The following ZFYVE16 variants were observed in gnomAD, a reference collection of about 807,000 sequenced individuals.
ZFYVE16 encodes the protein zinc finger FYVE-type containing 16.
In ZFYVE16, 89 loss-of-function variants were observed where a neutral mutation model predicts 138.1. That is an observed-to-expected ratio of 0.64 (90% CI 0.54 to 0.77). The LOEUF (loss-of-function observed/expected upper bound fraction) is 0.77. ZFYVE16 is among the 30% of genes least tolerant of loss of function. The probability of loss-of-function intolerance (pLI) is 0.00; values close to 1 mark genes in which losing one functional copy is unlikely to be tolerated. For missense variants in ZFYVE16, 1,793 were observed against 1,786.7 expected (o/e 1.00, Z -0.06); for synonymous variants, 596 against 618.3 (o/e 0.96, Z 0.53).
chr5:80,443,318 T>C, intron 6 of ZFYVE16, 34 bp downstream of exon 6: 1 of 1,582,176 alleles, frequency 6.3e-7, no homozygotes, highest in Non-Finnish European at 8.5e-7. Flanking sequence ...AGACTAAAGA[T>C]AAATTATTGA....
intron 2 of ZFYVE16, among the ~76,000 whole-genome samples, chr5:80,430,331 G>A (rs1186770366): frequency 6.6e-6 from 1 of 151,696 alleles, no homozygotes; most frequent in African/African-American, 2.4e-5. Context: ...ACCTGCTCCT[G>A]AATGACTACT....
At chr5:80,431,049 A>G (rs1246862222) in intron 2 of ZFYVE16, among the ~76,000 whole-genome samples, 1 of 152,226 alleles carries the variant, frequency 6.6e-6, no homozygotes, top group African/African-American at 2.4e-5. Flanking sequence ...AACTATTCCA[A>G]TCAATAGAAA....
chr5:80,462,217 T>C (rs1196221631), intron 15 of ZFYVE16, among the ~76,000 whole-genome samples: 2 of 152,198 alleles, frequency 1.3e-5, no homozygotes, highest in Non-Finnish European at 2.9e-5. Flanking sequence ...TTCACACTGC[T>C]ATAAAGAACT....
chr5:80,458,586 T>C (rs1345232412), intron 14 of ZFYVE16, among the ~76,000 whole-genome samples: 1 of 152,238 alleles, frequency 6.6e-6, no homozygotes, highest in African/African-American at 2.4e-5. Flanking sequence ...ACATTTTATA[T>C]GTTGTACATC....
In ZFYVE16 at chr5:80,434,182, T is replaced by C; in HGVS notation, c.35T>C (p.Leu12Ser). 1 of 1,613,552 alleles carries C rather than the reference T, an allele frequency of 6.2e-7. No individual in the cohort carries two copies. Among genetic ancestry groups the C allele is most frequent in the Non-Finnish European group, 8.5e-7 (1 of 1,179,650 alleles). Reference sequence around the variant, plus strand: ...TATTTTAAAGCAGCTGTCAGTGACTTGGACAAACTCCTTGATGATTTTGAA... The same window carrying C: ...TATTTTAAAGCAGCTGTCAGTGACTCGGACAAACTCCTTGATGATTTTGAA... ...DSYFKAAVSD[L>S]DKLLDDFEQN... The change falls in exon 3 of 19, where the codon TTG (leucine) becomes TCG (serine). Residue 12 changes from leucine (L) to serine (S), a missense_variant. Physicochemically the swap from Leu to Ser is moderately radical, Grantham distance 145. This residue lies in a region of ZFYVE16 where 1,295 missense variants were observed against 1,204.3 expected (regional missense o/e 1.08). Transcript: ENST00000505560.
chr5:80,433,638 A>G (rs1749442270), intron 2 of ZFYVE16, among the ~76,000 whole-genome samples: 1 of 152,042 alleles, frequency 6.6e-6, no homozygotes, highest in South Asian at 2.1e-4. Context: ...AAGAGATGAC[A>G]TGTAAACCCT....
rs1210376612 is a variant in ZFYVE16 at position 80,428,432 on chromosome 5, C to T, written c.-40+887C>T. On this transcript the variant is annotated intron_variant, in intron 2 of 18. Transcript: ENST00000505560. ...AAGGAAAACTAACAAACAGAAAGGA[C>T]ATCCACACCAAAACCCCATCTATAC... Among the ~76,000 whole-genome samples, 3 of 152,184 alleles carry T rather than the reference C, an allele frequency of 2.0e-5. No individual in the cohort carries two copies. In the East Asian group the frequency reaches 5.8e-4, roughly 29 times the overall value.
intron 1 of ZFYVE16, among the ~76,000 whole-genome samples, chr5:80,420,359 A>G (rs993197841): frequency 1.8e-4 from 27 of 152,152 alleles, no homozygotes; most frequent in African/African-American, 5.3e-4. Flanking sequence ...GTTTGTTAAC[A>G]TATGTATACA....
rs1755223666 is a variant in ZFYVE16, at chr5:80,480,441, A to AC, written c.*3065dup. 6.6e-6 allele frequency among the ~76,000 whole-genome samples: 1 copy of AC among 151,506 alleles called. No individual in the cohort carries two copies. The highest frequency in any genetic ancestry group is 1.5e-5 in the Non-Finnish European group (1 of 67,776). On this transcript the variant is annotated 3_prime_UTR_variant, in exon 19 of 19. Coordinates refer to ENST00000505560, the MANE Select transcript of ZFYVE16 (RefSeq NM_001284236.3). ...ATGGGAGAAACAGCTGGAAAAAAAAACAGAAGACCTGTAGAGAATACAGTG... is the reference window on the plus strand; with the variant it reads ...ATGGGAGAAACAGCTGGAAAAAAAAACCAGAAGACCTGTAGAGAATACAGTG...
In ZFYVE16 at chr5:80,430,982, G is replaced by T. The variant is rs560110443; in HGVS notation, c.-39-3127G>T. On this transcript the variant is annotated intron_variant, in intron 2 of 18. Coordinates refer to ENST00000505560, the MANE Select transcript of ZFYVE16 (RefSeq NM_001284236.3). Reference sequence around the variant, plus strand: ...AATCAAAAAAGTCCAGGACAGGACGGATTCACAGCCGAATTCTACCAGAGG... The same window carrying T: ...AATCAAAAAAGTCCAGGACAGGACGTATTCACAGCCGAATTCTACCAGAGG... 2.0e-5 allele frequency among the ~76,000 whole-genome samples: 3 copies of T among 152,292 alleles called. No homozygotes were observed. In the South Asian group the frequency reaches 6.2e-4, roughly 32 times the overall value.
intron 15 of ZFYVE16, among the ~76,000 whole-genome samples, chr5:80,472,411 GT>G (rs1012963435): frequency 2.2e-4 from 34 of 151,866 alleles, no homozygotes; most frequent in African/African-American, 8.2e-4. Context: ...AACCTCTTCA[GT>G]TTCCCTCTAG....
At position 80,477,429 on chromosome 5, in the gene ZFYVE16, C is replaced by T. The variant is rs755204966; in HGVS notation, c.*52C>T. On this transcript the variant is annotated 3_prime_UTR_variant, in exon 19 of 19. Transcript: ENST00000505560. ...GCAACCTAATTTGTTAAAACTAACT[C>T]CAGCACTAAAGCTGAAATGCCACAA... is the stretch of plus-strand genomic sequence containing the variant. 1 of 1,527,536 alleles carries T rather than the reference C, an allele frequency of 6.5e-7. No homozygotes were observed. Among genetic ancestry groups the T allele is most frequent in the Non-Finnish European group, 8.8e-7 (1 of 1,136,880 alleles). The allele number at this position is 1,527,536 out of a possible 1,614,324, so 94.6% of individuals were successfully genotyped here. A position where few individuals can be genotyped will look rare whatever the true frequency, so the allele number is the denominator to read the frequency against.
rs143929821 is a variant in ZFYVE16, at chr5:80,434,830, T to C, written c.70+613T>C. 2.1e-3 allele frequency among the ~76,000 whole-genome samples: 323 copies of C among 152,210 alleles called. 1 individual carries two copies. The highest frequency in any genetic ancestry group is 7.4e-3 in the African/African-American group (306 of 41,552). Reference sequence around the variant, plus strand: ...CTTGAGAGTTCTGCATGAATTGATATTTCATTACAACAAGAGATGGTATTT... The same window carrying C: ...CTTGAGAGTTCTGCATGAATTGATACTTCATTACAACAAGAGATGGTATTT... On this transcript the variant is annotated intron_variant, in intron 3 of 18. Coordinates refer to ENST00000505560, the MANE Select transcript of ZFYVE16 (RefSeq NM_001284236.3).
chr5:80,451,710 G>A lies in ZFYVE16; in HGVS notation c.3607+1G>A, dbSNP rs763117801. On this transcript the variant is annotated splice_donor_variant, in intron 11 of 18. Transcript: ENST00000505560. LOFTEE classifies it high-confidence loss of function. ...TTGAGATTGGGTGCAGAATATAAAG[G>A]TAAGTTTTAGAGTAATAAGTTAAAT... 15 of 1,609,828 alleles carry A rather than the reference G, an allele frequency of 9.3e-6. No homozygotes were observed. Among genetic ancestry groups the A allele is most frequent in the South Asian group, 3.3e-5 (3 of 90,288 alleles).
At chr5:80,434,894 T>C (rs1298423743) in intron 3 of ZFYVE16, among the ~76,000 whole-genome samples, 1 of 152,058 alleles carries the variant, frequency 6.6e-6, no homozygotes, top group Non-Finnish European at 1.5e-5. Context: ...GGAGTTTCAC[T>C]GTTGTTGCCC....
chr5:80,421,255 A>G (rs1450123866), intron 1 of ZFYVE16, among the ~76,000 whole-genome samples: 2 of 151,880 alleles, frequency 1.3e-5, no homozygotes, highest in African/African-American at 4.8e-5. Flanking sequence ...TTGCCTGTTC[A>G]CTCTGATGGT....
rs558635425 is a variant in ZFYVE16, at chr5:80,480,174, T to G, written c.*2797T>G. The stretch of plus-strand genomic sequence containing the variant: ...AGCAATGAAAACAAACTCACAGATA[T>G]AGGTATTAGATTTGTTTTCTTTGTT... On this transcript the variant is annotated 3_prime_UTR_variant, in exon 19 of 19. Coordinates refer to ENST00000505560, the MANE Select transcript of ZFYVE16 (RefSeq NM_001284236.3). Among the ~76,000 whole-genome samples the G allele has an allele frequency of 1.3e-5, 2 of 151,916 alleles. No homozygotes were observed. Among genetic ancestry groups the G allele is most frequent in the Non-Finnish European group, 1.5e-5 (1 of 68,008 alleles).
At chr5:80,419,057 C>T (rs564503876) in intron 1 of ZFYVE16, among the ~76,000 whole-genome samples, 5 of 147,750 alleles carry the variant, frequency 3.4e-5, no homozygotes, top group Non-Finnish European at 6.0e-5. Context: ...TGTCAAAGAT[C>T]GGTGTGGGTT....
Position 80,481,741 on chromosome 5 carries a change from A to T in ZFYVE16, c.*4364A>T, listed in dbSNP as rs1755278528. On this transcript the variant is annotated 3_prime_UTR_variant, in exon 19 of 19. Coordinates refer to ENST00000505560, the MANE Select transcript of ZFYVE16 (RefSeq NM_001284236.3). ...ACTTGTGAAACCTAAGCAACTCTCT[A>T]GGGAAAAGACAATGAACAAGAGCCA... Among the ~76,000 whole-genome samples, 1 of 152,220 alleles carries T rather than the reference A, an allele frequency of 6.6e-6. No individual in the cohort carries two copies. Among genetic ancestry groups the T allele is most frequent in the Non-Finnish European group, 1.5e-5 (1 of 68,020 alleles).
Sources: allele counts gnomAD v4.1 joint callset (sites outside exome capture counted in the v4.1 genomes callset), GRCh38; gene constraint gnomAD v4.1.1; regional missense constraint gnomAD v4.1.1; transcripts MANE v1.5; gene names NCBI Gene and HGNC (gene_info 2026-07-23, HGNC 2026-07-21).